LRFN5: variants seen among roughly 807,000 people sequenced by gnomAD.
LRFN5 encodes leucine-rich repeat and fibronectin type-III domain-containing protein 5.
LRFN5 carries 24 observed loss-of-function variants against 45.6 expected under a neutral mutation model. That is an observed-to-expected ratio of 0.53 (90% CI 0.38 to 0.74). The LOEUF is 0.74. Among genes scored for constraint, LRFN5 ranks in the 30% least tolerant of loss-of-function variants. LRFN5 has a pLI of 0.00. For missense variants in LRFN5, 776 were observed against 861.5 expected (o/e 0.90, Z 1.24); for synonymous variants, 340 against 313.8 (o/e 1.08, Z -0.88).
chr14:41,807,313 A>T (rs1887559046), intron 2 of LRFN5, among the ~76,000 whole-genome samples: 1 of 152,128 alleles, frequency 6.6e-6, no homozygotes, highest in South Asian at 2.1e-4. Flanking sequence ...TTTTGTATCC[A>T]TTGAATAGGG....
intron 4 of LRFN5, chr14:41,892,304 C>T (rs8015744): frequency 0.67 from 621,222 of 933,958 alleles, 201,128 homozygotes; most frequent in Middle Eastern, 0.79. Context: ...TATATATATA[C>T]ACATATATAA....
intron 1 of LRFN5, among the ~76,000 whole-genome samples, chr14:41,764,850 CATATAT>C (rs1439512218): frequency 1.6e-4 from 24 of 149,174 alleles, no homozygotes; most frequent in Non-Finnish European, 3.4e-4. Context: ...ATGCAGAATA[CATATAT>C]ATGATTATAT....
At position 41,622,547 on chromosome 14, in the gene LRFN5, T is replaced by C. The variant is rs74625231; in HGVS notation, c.-197+13985T>C. 8.2e-3 allele frequency among the ~76,000 whole-genome samples: 1,249 copies of C among 152,242 alleles called. 18 individuals carry two copies. The highest frequency in any genetic ancestry group is 0.027 in the African/African-American group (1,121 of 41,580). ...TGAATCTCTATTAATATGCATACTA[T>C]ATATTGTACTGTTCATAATTATCAT... On this transcript the variant is annotated intron_variant, in intron 1 of 5. Coordinates refer to ENST00000298119, the MANE Select transcript of LRFN5 (RefSeq NM_152447.5).
intron 1 of LRFN5, among the ~76,000 whole-genome samples, chr14:41,668,450 C>CT (rs985111172): frequency 6.6e-6 from 1 of 151,608 alleles, no homozygotes; most frequent in South Asian, 2.1e-4. Flanking sequence ...TCTATGCATT[C>CT]TTTTTTTTTC....
intron 1 of LRFN5, among the ~76,000 whole-genome samples, chr14:41,721,390 G>T (rs1274640397): frequency 6.6e-6 from 1 of 152,122 alleles, no homozygotes; most frequent in African/African-American, 2.4e-5. Flanking sequence ...ATATTGATAT[G>T]TGAGGTTTAA....
At chr14:41,763,767 A>G (rs1252230390) in intron 1 of LRFN5, among the ~76,000 whole-genome samples, 10 of 152,344 alleles carry the variant, frequency 6.6e-5, no homozygotes, top group Admixed American at 2.0e-4. Flanking sequence ...CTCCCCAGCC[A>G]TGTGGAACTG....
intron 1 of LRFN5, among the ~76,000 whole-genome samples, chr14:41,616,284 C>A (rs563268501): frequency 2.5e-4 from 38 of 152,174 alleles, no homozygotes; most frequent in South Asian, 1.7e-3. Flanking sequence ...TTCTTTAATT[C>A]CTTTAACATT....
chr14:41,707,878 A>T (rs1421103919), intron 1 of LRFN5, among the ~76,000 whole-genome samples: 1 of 152,074 alleles, frequency 6.6e-6, no homozygotes, highest in African/African-American at 2.4e-5. Context: ...TTTACACAAA[A>T]GTTTCTTGGC....
At chr14:41,885,926 A>C (rs1449907087) in intron 2 of LRFN5, among the ~76,000 whole-genome samples, 7 of 150,476 alleles carry the variant, frequency 4.7e-5, no homozygotes, top group African/African-American at 1.7e-4. Flanking sequence ...CCAAATGGTC[A>C]TCAGTAATCG....
intron 1 of LRFN5, among the ~76,000 whole-genome samples, chr14:41,702,794 A>G (rs914015161): frequency 6.6e-6 from 1 of 151,844 alleles, no homozygotes; most frequent in Non-Finnish European, 1.5e-5. Flanking sequence ...TAATCACACT[A>G]ATTTCTACAG....
intron 1 of LRFN5, among the ~76,000 whole-genome samples, chr14:41,681,791 T>G (rs2138686365): frequency 7.3e-6 from 1 of 137,452 alleles, no homozygotes; most frequent in African/African-American, 2.9e-5. Context: ...TTTTATTTTA[T>G]TTTATTTTAT....
chr14:41,839,359 T>C (rs1477569824), intron 2 of LRFN5, among the ~76,000 whole-genome samples: 1 of 152,036 alleles, frequency 6.6e-6, no homozygotes, highest in Admixed American at 6.6e-5. Context: ...AAAGATGAAA[T>C]GGTTTCAAAC....
At chr14:41,859,524 A>G (rs1293336489) in intron 2 of LRFN5, among the ~76,000 whole-genome samples, 1 of 152,220 alleles carries the variant, frequency 6.6e-6, no homozygotes, top group Non-Finnish European at 1.5e-5. Flanking sequence ...CCTCATGCCA[A>G]ACATTACAAA....
intron 2 of LRFN5, among the ~76,000 whole-genome samples, chr14:41,824,923 C>T (rs1296902316): frequency 6.6e-6 from 1 of 152,178 alleles, no homozygotes; most frequent in Non-Finnish European, 1.5e-5. Context: ...CAATGTCCAC[C>T]TCCCTATCAT....
At chr14:41,751,796 G>A (rs1029453680) in intron 1 of LRFN5, among the ~76,000 whole-genome samples, 8 of 151,956 alleles carry the variant, frequency 5.3e-5, no homozygotes, top group African/African-American at 1.5e-4. Flanking sequence ...TAAGTTTTAC[G>A]GTACATATAC....
intron 2 of LRFN5, among the ~76,000 whole-genome samples, chr14:41,785,658 G>A (rs183997730): frequency 1.9e-4 from 29 of 152,106 alleles, no homozygotes; most frequent in Non-Finnish European, 3.4e-4. Flanking sequence ...TTATTACATC[G>A]TAATATATAA....
At chr14:41,703,435 A>G (rs1020590078) in intron 1 of LRFN5, among the ~76,000 whole-genome samples, 9 of 152,062 alleles carry the variant, frequency 5.9e-5, no homozygotes, top group Non-Finnish European at 1.3e-4. Flanking sequence ...AAAAAACTGC[A>G]TTAATTATTC....
intron 2 of LRFN5, among the ~76,000 whole-genome samples, chr14:41,838,119 AT>A (rs33973034): frequency 0.041 from 6,276 of 152,230 alleles, 426 homozygotes; most frequent in African/African-American, 0.14. Context: ...ATGTAATACT[AT>A]TTTTTAACAT....
chr14:41,755,337 A>G (rs998145042), intron 1 of LRFN5, among the ~76,000 whole-genome samples: 1 of 152,114 alleles, frequency 6.6e-6, no homozygotes, highest in Non-Finnish European at 1.5e-5. Context: ...TTTCTGTCTC[A>G]TTGATCTGTC....
Sources: allele counts gnomAD v4.1 joint callset (sites outside exome capture counted in the v4.1 genomes callset), GRCh38; gene constraint gnomAD v4.1.1; transcripts MANE v1.5; gene names NCBI Gene and HGNC (gene_info 2026-07-23, HGNC 2026-07-21).